NELL2: variants seen among roughly 807,000 people sequenced by gnomAD.
The protein encoded by NELL2 is protein kinase C-binding protein NELL2.
In NELL2, 41 loss-of-function variants were observed where a neutral mutation model predicts 109.6. That is an observed-to-expected ratio of 0.37 (90% CI 0.29 to 0.49). The LOEUF is 0.49. Among genes scored for constraint, NELL2 ranks in the 20% least tolerant of loss-of-function variants. The pLI is 0.98. For missense variants in NELL2, 900 were observed against 1,008.3 expected (o/e 0.89, Z 1.45); for synonymous variants, 355 against 344.7 (o/e 1.03, Z -0.33).
intron 13 of NELL2, among the ~76,000 whole-genome samples, chr12:44,665,043 T>A (rs1947875484): frequency 6.6e-6 from 1 of 152,106 alleles, no homozygotes; most frequent in East Asian, 1.9e-4. Flanking sequence ...ATTGTACTTC[T>A]CAGACATGTG....
chr12:44,902,265 A>G (rs1314803745), intron 1 of NELL2, among the ~76,000 whole-genome samples: 1 of 152,166 alleles, frequency 6.6e-6, no homozygotes, highest in African/African-American at 2.4e-5. Flanking sequence ...TAGTAGACAA[A>G]TAGAGACCTA....
At chr12:44,770,160 C>T (rs1271572532) in intron 9 of NELL2, among the ~76,000 whole-genome samples, 3 of 152,088 alleles carry the variant, frequency 2.0e-5, no homozygotes, top group Non-Finnish European at 2.9e-5. Flanking sequence ...CTCTTGAGGT[C>T]CTACGTAGCT....
chr12:44,643,436 A>G (rs562659337), intron 13 of NELL2, among the ~76,000 whole-genome samples: 1 of 152,316 alleles, frequency 6.6e-6, no homozygotes, highest in South Asian at 2.1e-4. Flanking sequence ...TAGGCATTGC[A>G]TGTGTAGAAA....
intron 2 of NELL2, among the ~76,000 whole-genome samples, chr12:44,846,673 G>A (rs1944379898): frequency 6.6e-6 from 1 of 152,166 alleles, no homozygotes; most frequent in South Asian, 2.1e-4. Flanking sequence ...AACCCATTAA[G>A]ATGATCAATT....
chr12:44,728,656 C>T (rs2136468062), intron 9 of NELL2, among the ~76,000 whole-genome samples: 1 of 152,108 alleles, frequency 6.6e-6, no homozygotes, highest in Non-Finnish European at 1.5e-5. Flanking sequence ...AGATTAAATG[C>T]AAACAAAGCT....
At chr12:44,737,949 T>C (rs1412694367) in intron 9 of NELL2, among the ~76,000 whole-genome samples, 1 of 152,020 alleles carries the variant, frequency 6.6e-6, no homozygotes, top group Non-Finnish European at 1.5e-5. Flanking sequence ...GACCAGCTGC[T>C]GAGAGACTAA....
chr12:44,699,066 C>T (rs1207441997), intron 12 of NELL2, among the ~76,000 whole-genome samples: 1 of 152,026 alleles, frequency 6.6e-6, no homozygotes, highest in African/African-American at 2.4e-5. Context: ...CAAAAGATCC[C>T]ATAATTTTCA....
intron 9 of NELL2, among the ~76,000 whole-genome samples, chr12:44,772,312 CAT>C (rs776336314): frequency 7.9e-5 from 12 of 152,240 alleles, no homozygotes; most frequent in African/African-American, 2.4e-4. Flanking sequence ...ACATCATAGA[CAT>C]GTGTAACTAT....
At chr12:44,549,186 T>C (rs538589747) in intron 15 of NELL2, among the ~76,000 whole-genome samples, 6 of 152,212 alleles carry the variant, frequency 3.9e-5, no homozygotes, top group Non-Finnish European at 7.3e-5. Flanking sequence ...AAAATAGTTA[T>C]AGTACACTAA....
chr12:44,546,934 C>T (rs1445070390), intron 15 of NELL2, among the ~76,000 whole-genome samples: 2 of 152,156 alleles, frequency 1.3e-5, no homozygotes, highest in South Asian at 2.1e-4. Flanking sequence ...TGTTTGGCTG[C>T]TAACTGCCAG....
intron 13 of NELL2, among the ~76,000 whole-genome samples, chr12:44,660,655 C>T (rs1007157294): frequency 2.6e-5 from 4 of 152,124 alleles, no homozygotes; most frequent in African/African-American, 7.2e-5. Context: ...TTTTCCATCC[C>T]TTCTACCCAT....
At chr12:44,687,755 C>T (rs759104650) in intron 12 of NELL2, among the ~76,000 whole-genome samples, 5 of 152,196 alleles carry the variant, frequency 3.3e-5, no homozygotes, top group Non-Finnish European at 5.9e-5. Flanking sequence ...AATCTCTATG[C>T]ATACCTGACC....
intron 11 of NELL2, among the ~76,000 whole-genome samples, chr12:44,710,501 C>T (rs972446708): frequency 4.6e-5 from 7 of 151,962 alleles, no homozygotes; most frequent in East Asian, 1.9e-4. Context: ...ATATAATTCC[C>T]GTATAATACA....
intron 3 of NELL2, among the ~76,000 whole-genome samples, chr12:44,787,771 T>C (rs564651101): frequency 6.6e-6 from 1 of 151,514 alleles, no homozygotes; most frequent in African/African-American, 2.4e-5. Flanking sequence ...AAAAAAAAAA[T>C]TTTAACTTCA....
chr12:44,601,609 G>C (rs1945224986), intron 15 of NELL2, among the ~76,000 whole-genome samples: 1 of 152,024 alleles, frequency 6.6e-6, no homozygotes. Flanking sequence ...GCTAACTCAA[G>C]GATGTCAAAG....
chr12:44,900,938 C>T (rs977992664), intron 1 of NELL2, among the ~76,000 whole-genome samples: 1 of 151,824 alleles, frequency 6.6e-6, no homozygotes, highest in African/African-American at 2.4e-5. Flanking sequence ...GCAGTGAGGC[C>T]AGATCATGCC....
chr12:44,587,386 A>G (rs971034392), intron 15 of NELL2, among the ~76,000 whole-genome samples: 5 of 149,284 alleles, frequency 3.3e-5, no homozygotes, highest in Middle Eastern at 3.5e-3. Context: ...TAACGTGATT[A>G]TTACTAATTA....
At chr12:44,625,882 C>A (rs1383536190) in intron 13 of NELL2, among the ~76,000 whole-genome samples, 1 of 152,030 alleles carries the variant, frequency 6.6e-6, no homozygotes, top group South Asian at 2.1e-4. Flanking sequence ...CGCCAGCACA[C>A]AAGCAGTTAG....
At chr12:44,750,862 A>C (rs1940620452) in intron 9 of NELL2, among the ~76,000 whole-genome samples, 1 of 152,182 alleles carries the variant, frequency 6.6e-6, no homozygotes, top group East Asian at 1.9e-4. Context: ...TGCATTTCTA[A>C]AAGTGATCCA....
Sources: gnomAD v4.1 joint callset for allele counts (sites outside exome capture counted in the v4.1 genomes callset) on GRCh38, gnomAD v4.1.1 for gene constraint, MANE v1.5 for transcripts, NCBI Gene and HGNC (gene_info 2026-07-23, HGNC 2026-07-21) for gene names.